DAB1: variants seen among roughly 807,000 people sequenced by gnomAD.
The protein encoded by DAB1 is disabled homolog 1.
Under a neutral mutation model 64.6 loss-of-function variants are expected in DAB1, and 15 were observed. That is an observed-to-expected ratio of 0.23 (90% CI 0.16 to 0.36). DAB1 has a LOEUF of 0.36. Ranked by LOEUF, DAB1 falls within the 10% of genes least tolerant of loss-of-function variation. DAB1 has a pLI of 1.00. For missense variants in DAB1, 596 were observed against 706.7 expected (o/e 0.84, Z 1.78); for synonymous variants, 235 against 251.9 (o/e 0.93, Z 0.64).
chr1:57,465,779 G>A (rs779419616), intron 7 of DAB1, among the ~76,000 whole-genome samples: 3 of 152,130 alleles, frequency 2.0e-5, no homozygotes, highest in South Asian at 4.1e-4. Context: ...GAATGAATGA[G>A]TGAATCTTTC....
At chr1:57,994,079 T>G (rs1646388423) in intron 5 of DAB1, among the ~76,000 whole-genome samples, 1 of 152,150 alleles carries the variant, frequency 6.6e-6, no homozygotes, top group Non-Finnish European at 1.5e-5. Context: ...AGGTGTGAAC[T>G]AACAGTAGGA....
intron 6 of DAB1, among the ~76,000 whole-genome samples, chr1:57,804,809 A>G (rs976256996): frequency 6.6e-6 from 1 of 152,238 alleles, no homozygotes; most frequent in Admixed American, 6.5e-5. Flanking sequence ...CATGATAATC[A>G]TAACAATTCT....
downstream of DAB1, among the ~76,000 whole-genome samples, chr1:57,825,472 G>A (rs904895107): frequency 5.9e-5 from 9 of 152,188 alleles, no homozygotes; most frequent in African/African-American, 2.2e-4. Context: ...GCATCTGAAT[G>A]TCTCACTGAG....
chr1:57,489,113 T>G (rs1377582897), intron 7 of DAB1, among the ~76,000 whole-genome samples: 5 of 152,234 alleles, frequency 3.3e-5, no homozygotes, highest in Non-Finnish European at 5.9e-5. Context: ...AAAGTGGGTG[T>G]CAGGATAAGC....
At position 58,198,880 on chromosome 1, in the gene DAB1, T is replaced by A. The variant is rs150822123; in HGVS notation, n.310-48292A>T. Among the ~76,000 whole-genome samples, 285 of 152,230 alleles carry A rather than the reference T, an allele frequency of 1.9e-3. 1 individual carries two copies. Among genetic ancestry groups the A allele is most frequent in the Non-Finnish European group, 3.4e-3 (232 of 67,992 alleles). ...ATCCCAGCACTTTGGGAGGCCCAGG[T>A]GGATCACCTGAGGTCAAGAGTTCGG... On this transcript the variant is annotated intron_variant and non_coding_transcript_variant, in intron 4 of 20. Coordinates refer to the DAB1 transcript ENST00000485760.
chr1:57,349,672 G>A (rs1678417360), intron 1 of DAB1, among the ~76,000 whole-genome samples: 1 of 152,128 alleles, frequency 6.6e-6, no homozygotes, highest in Non-Finnish European at 1.5e-5. Flanking sequence ...CACCTTCAAG[G>A]AAAAAGCAGC....
At chr1:58,204,491 G>T (rs576362136) in intron 4 of DAB1, among the ~76,000 whole-genome samples, 2 of 152,174 alleles carry the variant, frequency 1.3e-5, no homozygotes, top group Admixed American at 6.5e-5. Flanking sequence ...GCACCAGTAG[G>T]GGGTAGAGAA....
chr1:58,206,755 T>C (rs1658304354), intron 4 of DAB1, among the ~76,000 whole-genome samples: 1 of 152,226 alleles, frequency 6.6e-6, no homozygotes, highest in Admixed American at 6.5e-5. Flanking sequence ...TGCTTTGCAT[T>C]TGGTTAGTAG....
chr1:57,130,095 C>G (rs764160706), intron 4 of DAB1, among the ~76,000 whole-genome samples: 4 of 151,632 alleles, frequency 2.6e-5, no homozygotes, highest in Non-Finnish European at 5.9e-5. Flanking sequence ...CACAGATGAT[C>G]ATGTGCTAGG....
intron 3 of DAB1, among the ~76,000 whole-genome samples, chr1:58,415,128 T>G (rs1229974921): frequency 6.6e-6 from 1 of 152,104 alleles, no homozygotes; most frequent in Non-Finnish European, 1.5e-5. Context: ...AGTGGCCTTA[T>G]AGGAAGAGGA....
At chr1:57,877,020 G>GGT (rs1644058256) in intron 1 of DAB1, among the ~76,000 whole-genome samples, 1 of 152,016 alleles carries the variant, frequency 6.6e-6, no homozygotes, top group African/African-American at 2.4e-5. Flanking sequence ...GAAGGGTCTA[G>GGT]GTGTGTGTGT....
chr1:58,280,059 C>T (rs927751557), intron 4 of DAB1, among the ~76,000 whole-genome samples: 18 of 152,086 alleles, frequency 1.2e-4, no homozygotes, highest in Non-Finnish European at 2.4e-4. Context: ...TTCAGCCAAG[C>T]AGCAGAAAGA....
At position 57,709,821 on chromosome 1, in the gene DAB1, TTGTTCCTTATTGTACAGG is replaced by T. The variant is rs1308321208; in HGVS notation, n.552-60174_552-60157del. On this transcript the variant is annotated intron_variant and non_coding_transcript_variant, in intron 6 of 20. Coordinates refer to the DAB1 transcript ENST00000485760. Reference sequence around the variant, plus strand: ...CTCTACCTGGATGGAGCTATGTTGCTTGTTCCTTATTGTACAGGTGGTGACAAAAGGGAAGATGGAGCC... The same window carrying T: ...CTCTACCTGGATGGAGCTATGTTGCTTGGTGACAAAAGGGAAGATGGAGCC... 3.9e-5 allele frequency among the ~76,000 whole-genome samples: 6 copies of T among 152,238 alleles called. No homozygotes were observed. The East Asian group carries it at 7.7e-4, about 20-fold the overall frequency.
intron 5 of DAB1, among the ~76,000 whole-genome samples, chr1:58,132,547 G>A (rs1366859107): frequency 2.6e-5 from 4 of 152,154 alleles, no homozygotes; most frequent in Admixed American, 6.6e-5. Flanking sequence ...ATACAGCCAG[G>A]GATCTCTGAG....
At chr1:57,655,411 T>A (rs1240585608) in intron 6 of DAB1, among the ~76,000 whole-genome samples, 1 of 152,110 alleles carries the variant, frequency 6.6e-6, no homozygotes, top group Non-Finnish European at 1.5e-5. Context: ...CCAGTCTTCA[T>A]CATCAATCAT....
chr1:58,113,453 A>T (rs1238177199), intron 5 of DAB1, among the ~76,000 whole-genome samples: 1 of 152,168 alleles, frequency 6.6e-6, no homozygotes, highest in African/African-American at 2.4e-5. Context: ...TCCAAGTTCC[A>T]GCTTTTCAGC....
chr1:58,286,449 C>A (rs1213733), intron 4 of DAB1, among the ~76,000 whole-genome samples: 139,669 of 152,234 alleles, frequency 0.92, 64,094 homozygotes, highest in South Asian at 0.95. Flanking sequence ...AATCTATTAT[C>A]CAATGAACGT....
At chr1:57,789,080 G>C (rs1379035312) in intron 6 of DAB1, among the ~76,000 whole-genome samples, 1 of 152,094 alleles carries the variant, frequency 6.6e-6, no homozygotes, top group African/African-American at 2.4e-5. Flanking sequence ...AGAGGCTTTG[G>C]AAGGATTGAG....
rs187906666 is a variant in DAB1 at position 57,582,195 on chromosome 1, A to G, written n.625+67397T>C. Among the ~76,000 whole-genome samples the G allele has an allele frequency of 3.5e-4, 53 of 152,346 alleles. No homozygotes were observed. In the East Asian group the frequency reaches 6.2e-3, roughly 18 times the overall value. On this transcript the variant is annotated intron_variant and non_coding_transcript_variant, in intron 7 of 20. Coordinates refer to the DAB1 transcript ENST00000485760. The stretch of plus-strand genomic sequence containing the variant: ...GATACCACCTGAGCCTGGATAGTTT[A>G]TAAACAAAAGAGGGTTAATTGACTC...
Sources: gnomAD v4.1 joint callset for allele counts (sites outside exome capture counted in the v4.1 genomes callset) on GRCh38, gnomAD v4.1.1 for gene constraint, MANE v1.5 for transcripts, NCBI Gene and HGNC (gene_info 2026-07-23, HGNC 2026-07-21) for gene names.